Variants in LRRC42 observed in about 807,000 individuals in gnomAD.
The protein encoded by LRRC42 is leucine rich repeat containing 42.
A neutral mutation model predicts 44.3 loss-of-function variants in LRRC42; 43 were observed. The observed-to-expected ratio is 0.97, with a 90% CI of 0.76 to 1.25. The LOEUF (loss-of-function observed/expected upper bound fraction) is 1.25. LRRC42 is among the 50% of genes most tolerant of loss of function. The probability of loss-of-function intolerance (pLI) is 0.00; values close to 1 mark genes in which losing one functional copy is unlikely to be tolerated. For missense variants in LRRC42, 540 were observed against 509.1 expected (o/e 1.06, Z -0.58); for synonymous variants, 207 against 195.2 (o/e 1.06, Z -0.50).
intron 3 of LRRC42, among the ~76,000 whole-genome samples, chr1:53,956,594 C>T (rs1016387991): frequency 5.9e-5 from 9 of 152,144 alleles, no homozygotes; most frequent in Non-Finnish European, 1.2e-4. Context: ...CTTTCTATTG[C>T]TTTTCCACTG....
chr1:53,959,396 C>T (rs189904218), intron 4 of LRRC42, among the ~76,000 whole-genome samples: 2 of 152,316 alleles, frequency 1.3e-5, no homozygotes, highest in Non-Finnish European at 2.9e-5. Context: ...ATGGATCCCT[C>T]TGTGGTTTTA....
chr1:53,965,017 T>G (rs1346423682), intron 7 of LRRC42, among the ~76,000 whole-genome samples: 1 of 143,242 alleles, frequency 7.0e-6, no homozygotes, highest in East Asian at 1.9e-4. Flanking sequence ...TGTTTTTTTT[T>G]TTTTTGGAGA....
At chr1:53,958,881 T>G (rs1402381727) in intron 4 of LRRC42, among the ~76,000 whole-genome samples, 2 of 151,932 alleles carry the variant, frequency 1.3e-5, no homozygotes, top group African/African-American at 4.8e-5. Context: ...CCACTGCGCC[T>G]GGCCCTATTT....
chr1:53,948,733 C>G (rs1024055347), intron 2 of LRRC42, among the ~76,000 whole-genome samples: 13 of 152,142 alleles, frequency 8.5e-5, no homozygotes, highest in African/African-American at 3.1e-4. Flanking sequence ...GTCTCCTGAC[C>G]AGGTCCATTT....
chr1:53,952,020 A>G lies in LRRC42; in HGVS notation c.21A>G (p.Ser7=). 2 of 1,613,920 alleles carry G rather than the reference A, an allele frequency of 1.2e-6. No homozygotes were observed. Among genetic ancestry groups the G allele is most frequent in the East Asian group, 4.5e-5 (2 of 44,876 alleles). ...AGGCAATGTCTTACTACCTCAGCTC[A>G]GAAAACCACCTGGACCCAGGGCCCA... is the stretch of plus-strand genomic sequence containing the variant. MSYYLS[S]ENHLDPGPIY... Residue 7 remains serine (S), a synonymous_variant, in exon 3 of 9, where the codon TCA becomes TCG. Transcript: ENST00000371370.
At chr1:53,947,522 C>T (rs1459968201) in intron 1 of LRRC42, among the ~76,000 whole-genome samples, 2 of 152,098 alleles carry the variant, frequency 1.3e-5, no homozygotes, top group South Asian at 2.1e-4. Context: ...AGTTTAGTTT[C>T]TGTTTAGGTT....
At chr1:53,946,865 T>C (rs538990650) in intron 1 of LRRC42, among the ~76,000 whole-genome samples, 304 of 101,854 alleles carry the variant, frequency 3.0e-3, no homozygotes, top group African/African-American at 0.011. Flanking sequence ...GGGAAGGGAA[T>C]GGGATTTTAG....
At chr1:53,962,197 A>G in intron 6 of LRRC42, 75 bp downstream of exon 6, 1 of 1,456,638 alleles carries the variant, frequency 6.9e-7, no homozygotes, top group Non-Finnish European at 9.6e-7. Flanking sequence ...ATTGGTATTT[A>G]GAAAGGGCTG....
chr1:53,964,810 C>A (rs775397454), intron 7 of LRRC42, among the ~76,000 whole-genome samples: 2 of 152,090 alleles, frequency 1.3e-5, no homozygotes, highest in Non-Finnish European at 2.9e-5. Context: ...TGCCATGGGT[C>A]CCCTGGCAAA....
chr1:53,955,360 G>T (rs1391059344), intron 3 of LRRC42, among the ~76,000 whole-genome samples: 1 of 152,034 alleles, frequency 6.6e-6, no homozygotes, highest in East Asian at 1.9e-4. Context: ...GCAGTGGCGT[G>T]ATCTTGGCTC....
intron 2 of LRRC42, among the ~76,000 whole-genome samples, chr1:53,951,321 T>C (rs79221639): frequency 1.3e-5 from 2 of 152,378 alleles, no homozygotes; most frequent in Non-Finnish European, 2.9e-5. Context: ...ATTGTTTTGC[T>C]AATATAAACT....
chr1:53,960,572 AG>A, intron 5 of LRRC42, 98 bp downstream of exon 5: 8 of 916,726 alleles, frequency 8.7e-6, no homozygotes, highest in Non-Finnish European at 1.3e-5. Flanking sequence ...GAGAAAGGAA[AG>A]GTGACTTTCC....
At chr1:53,958,085 C>G (rs1262077353) in intron 3 of LRRC42, 64 bp from the exon 4 acceptor site, 5 of 1,596,482 alleles carry the variant, frequency 3.1e-6, no homozygotes, top group South Asian at 1.1e-5. Flanking sequence ...TGATACAAAT[C>G]CACAAATGGT....
chr1:53,967,599 C>A, intron 8 of LRRC42, 66 bp from the exon 9 acceptor site: 1 of 1,481,566 alleles, frequency 6.7e-7, no homozygotes, highest in African/African-American at 1.4e-5. Context: ...TGGGTTTATC[C>A]TAGACTGATG....
At chr1:53,958,008 A>G (rs1654885346) in intron 3 of LRRC42, 141 bp from the exon 4 acceptor site, 1 of 957,414 alleles carries the variant, frequency 1.0e-6, no homozygotes, top group Non-Finnish European at 1.4e-6. Context: ...CTTTGCCCTG[A>G]TAGTAATTAG....
intron 8 of LRRC42, 78 bp downstream of exon 8, chr1:53,966,458 G>A: frequency 7.2e-6 from 7 of 977,584 alleles, no homozygotes; most frequent in South Asian, 6.6e-5. Flanking sequence ...TTCCCTCCTT[G>A]GAAAAATTAA....
At position 53,960,989 on chromosome 1, in the gene LRRC42, A is replaced by G. The variant is rs558870784; in HGVS notation, c.724+515A>G. Among the ~76,000 whole-genome samples, 4 of 152,322 alleles carry G rather than the reference A, an allele frequency of 2.6e-5. No homozygotes were observed. The South Asian group carries it at 8.3e-4, about 32-fold the overall frequency. On this transcript the variant is annotated intron_variant, in intron 5 of 8. Coordinates refer to ENST00000371370, the MANE Select transcript of LRRC42 (RefSeq NM_001256409.2). ...GGACAGTATGATGCCAAAAGAATAG[A>G]AAGAGCAGTGGTTTGAGGTCTGAGG...
chr1:53,963,963 C>T lies in LRRC42; in HGVS notation c.927+1554C>T, dbSNP rs905464747. The stretch of plus-strand genomic sequence containing the variant: ...CTCCTGCCCACCCCCCCCCCATCTT[C>T]ATTGTCCCCCTTTGTTGGCTATCTG... On this transcript the variant is annotated intron_variant, in intron 7 of 8. Coordinates refer to ENST00000371370, the MANE Select transcript of LRRC42 (RefSeq NM_001256409.2). 9.0e-5 allele frequency among the ~76,000 whole-genome samples: 10 copies of T among 110,762 alleles called. No individual in the cohort carries two copies. In the East Asian group the frequency reaches 3.2e-3, roughly 36 times the overall value. The allele number at this position is 110,762 out of a possible 152,430, so 72.7% of individuals were successfully genotyped here.
At chr1:53,967,599 C>T (rs772456393) in intron 8 of LRRC42, 66 bp from the exon 9 acceptor site, 1 of 1,481,566 alleles carries the variant, frequency 6.7e-7, no homozygotes, top group Non-Finnish European at 9.3e-7. Flanking sequence ...TGGGTTTATC[C>T]TAGACTGATG....
Sources: allele counts gnomAD v4.1 joint callset (sites outside exome capture counted in the v4.1 genomes callset), GRCh38; gene constraint gnomAD v4.1.1; transcripts MANE v1.5; gene names NCBI Gene and HGNC (gene_info 2026-07-23, HGNC 2026-07-21).